CTNNA2: variants seen among roughly 807,000 people sequenced by gnomAD.
The protein encoded by CTNNA2 is catenin alpha 2, also known as catenin alpha-2.
In CTNNA2, 42 loss-of-function variants were observed where a neutral mutation model predicts 101.0. The ratio of observed to expected loss-of-function variants is 0.42; its 90% CI spans 0.32 to 0.54. CTNNA2 has a LOEUF of 0.54. CTNNA2 is among the 20% of genes least tolerant of loss of function. CTNNA2 has a pLI of 0.14. For synonymous variants in CTNNA2, 450 were observed against 456.4 expected, an observed-to-expected ratio of 0.99 and a Z score of 0.18; for missense variants, 871 against 1,223.1, an observed-to-expected ratio of 0.71 and a Z score of 4.29.
At chr2:79,620,769 C>T (rs1463865521) in intron 1 of CTNNA2, among the ~76,000 whole-genome samples, 1 of 151,960 alleles carries the variant, frequency 6.6e-6, no homozygotes, top group Non-Finnish European at 1.5e-5. Context: ...GCATAGGCAG[C>T]CATAGATATG....
At chr2:79,701,634 C>T (rs1685007341) in intron 2 of CTNNA2, among the ~76,000 whole-genome samples, 1 of 152,148 alleles carries the variant, frequency 6.6e-6, no homozygotes, top group Admixed American at 6.5e-5. Context: ...GCCTCAAGCC[C>T]AGTCATGAGG....
In CTNNA2 at chr2:79,581,682, A is replaced by C. The variant is rs553294850; in HGVS notation, c.-6+68475A>C. 5.4e-4 allele frequency among the ~76,000 whole-genome samples: 82 copies of C among 152,330 alleles called. 1 individual carries two copies. The highest frequency in any genetic ancestry group is 9.4e-4 in the Non-Finnish European group (64 of 68,032). On this transcript the variant is annotated intron_variant, in intron 1 of 18. Coordinates refer to ENST00000402739, the MANE Select transcript of CTNNA2 (RefSeq NM_001282597.3). The stretch of plus-strand genomic sequence containing the variant: ...AGTATGCCTTTTCATTATCAGCAAT[A>C]GAAAAAGAAGGCCTAGAGAAAAATA...
chr2:80,127,884 TAGCTC>T (rs1369605629), intron 7 of CTNNA2, among the ~76,000 whole-genome samples: 1 of 152,188 alleles, frequency 6.6e-6, no homozygotes, highest in Non-Finnish European at 1.5e-5. Flanking sequence ...CAGCTATTCT[TAGCTC>T]AGTATGATCT....
chr2:79,422,422 A>G (rs895547194), intron 4 of CTNNA2, among the ~76,000 whole-genome samples: 1 of 152,116 alleles, frequency 6.6e-6, no homozygotes, highest in Admixed American at 6.5e-5. Context: ...TAAACATCCT[A>G]CAACACACAG....
At chr2:80,285,552 G>T (rs1424358277) in intron 7 of CTNNA2, among the ~76,000 whole-genome samples, 3 of 152,118 alleles carry the variant, frequency 2.0e-5, no homozygotes, top group African/African-American at 4.8e-5. Context: ...TCTTGCTTCT[G>T]GTCTTTGTAC....
chr2:79,809,587 C>T (rs1676847914), intron 3 of CTNNA2, among the ~76,000 whole-genome samples: 1 of 152,070 alleles, frequency 6.6e-6, no homozygotes, highest in African/African-American at 2.4e-5. Flanking sequence ...TAAATGTCTT[C>T]TTTTGAGAAG....
intron 7 of CTNNA2, among the ~76,000 whole-genome samples, chr2:80,061,188 A>C (rs1319734059): frequency 6.6e-6 from 1 of 152,210 alleles, no homozygotes; most frequent in Non-Finnish European, 1.5e-5. Flanking sequence ...TAAAATTTTT[A>C]ATTTATGTGT....
rs386390578 is a variant in CTNNA2 at position 80,043,206 on chromosome 2, CT to C, written c.1056+133422del. On this transcript the variant is annotated intron_variant, in intron 7 of 18. Transcript: ENST00000402739. Reference sequence around the variant, plus strand: ...CCTTTCTTTCTTTCTTTCTCTCTCTCTTTTTTTTTTTTTCAGAGTCTTGCTC... The same window carrying C: ...CCTTTCTTTCTTTCTTTCTCTCTCTCTTTTTTTTTTTTCAGAGTCTTGCTC... Among the ~76,000 whole-genome samples, 629 of 91,752 alleles carry C rather than the reference CT, an allele frequency of 6.9e-3. 20 individuals carry two copies. Among genetic ancestry groups the C allele is most frequent in the African/African-American group, 0.025 (585 of 23,448 alleles). The allele number at this position is 91,752 out of a possible 152,430, so 60.2% of individuals were successfully genotyped here.
intron 7 of CTNNA2, among the ~76,000 whole-genome samples, chr2:80,218,621 G>A (rs749964050): frequency 1.6e-4 from 24 of 152,170 alleles, no homozygotes; most frequent in Non-Finnish European, 3.4e-4. Flanking sequence ...CAGTTCTCTT[G>A]ACTGTAAAAT....
intron 4 of CTNNA2, among the ~76,000 whole-genome samples, chr2:79,503,934 A>G (rs1336802850): frequency 6.6e-6 from 1 of 152,186 alleles, no homozygotes; most frequent in Non-Finnish European, 1.5e-5. Context: ...TTGCTGCTCT[A>G]TAGTGGAGAC....
chr2:79,504,682 A>G (rs1296026011), intron 4 of CTNNA2, among the ~76,000 whole-genome samples: 3 of 152,170 alleles, frequency 2.0e-5, no homozygotes, highest in Non-Finnish European at 4.4e-5. Flanking sequence ...GATTTTGCCT[A>G]TTCCACTTTT....
intron 7 of CTNNA2, among the ~76,000 whole-genome samples, chr2:80,043,703 A>G (rs994183243): frequency 2.0e-5 from 3 of 152,226 alleles, no homozygotes; most frequent in Admixed American, 2.0e-4. Flanking sequence ...ATGATGTCAT[A>G]CAGTCTGTTA....
chr2:80,003,141 C>T (rs1693079930), intron 7 of CTNNA2, among the ~76,000 whole-genome samples: 1 of 152,164 alleles, frequency 6.6e-6, no homozygotes, highest in Non-Finnish European at 1.5e-5. Context: ...ATCGTCACCA[C>T]TGCTGTTGGA....
intron 7 of CTNNA2, among the ~76,000 whole-genome samples, chr2:80,124,150 G>C (rs1339516221): frequency 6.6e-6 from 1 of 152,106 alleles, no homozygotes. Context: ...ACTTCAGCAG[G>C]AAACGTCACT....
intron 7 of CTNNA2, among the ~76,000 whole-genome samples, chr2:80,094,364 T>A (rs1435708744): frequency 6.6e-6 from 1 of 152,156 alleles, no homozygotes; most frequent in Non-Finnish European, 1.5e-5. Context: ...CATTGGTCTA[T>A]CTCTCTGTTT....
intron 4 of CTNNA2, among the ~76,000 whole-genome samples, chr2:79,483,891 T>TC (rs1455306253): frequency 3.3e-5 from 5 of 152,200 alleles, no homozygotes; most frequent in Admixed American, 3.3e-4. Context: ...AATGTCTTTT[T>TC]CATAGAATGA....
chr2:80,152,452 C>T (rs1254593860), intron 7 of CTNNA2, among the ~76,000 whole-genome samples: 1 of 152,050 alleles, frequency 6.6e-6, no homozygotes, highest in African/African-American at 2.4e-5. Flanking sequence ...ATTATAATCA[C>T]ATTAACCTCC....
chr2:79,608,982 A>G (rs1464516238), intron 1 of CTNNA2, among the ~76,000 whole-genome samples: 1 of 152,122 alleles, frequency 6.6e-6, no homozygotes, highest in East Asian at 1.9e-4. Flanking sequence ...CTGTGAAAAA[A>G]ATCTGGTGAG....
chr2:80,206,163 C>T (rs549818599), intron 7 of CTNNA2, among the ~76,000 whole-genome samples: 17 of 152,268 alleles, frequency 1.1e-4, no homozygotes, highest in South Asian at 1.0e-3. Context: ...TTTTGTCTCA[C>T]GGCATTACAG....
Sources: gnomAD v4.1 joint callset for allele counts (sites outside exome capture counted in the v4.1 genomes callset) on GRCh38, gnomAD v4.1.1 for gene constraint, MANE v1.5 for transcripts, NCBI Gene and HGNC (gene_info 2026-07-23, HGNC 2026-07-21) for gene names.